The following FYB1 variants were observed in gnomAD, a reference collection of about 807,000 sequenced individuals.
FYB1 encodes FYN binding protein 1.
In FYB1, 41 loss-of-function variants were observed where a neutral mutation model predicts 94.1. The ratio of observed to expected loss-of-function variants is 0.44; its 90% CI spans 0.34 to 0.57. The LOEUF (loss-of-function observed/expected upper bound fraction) is 0.57. FYB1 is among the 20% of genes least tolerant of loss of function. The probability of loss-of-function intolerance (pLI) is 0.02; values close to 1 mark genes in which losing one functional copy is unlikely to be tolerated. For synonymous variants in FYB1, 367 were observed against 353.2 expected (o/e 1.04, Z -0.44); for missense variants, 1,050 against 976.8 (o/e 1.07, Z -1.00).
intron 2 of FYB1, among the ~76,000 whole-genome samples, chr5:39,159,632 A>G (rs1449300559): frequency 6.6e-6 from 1 of 152,164 alleles, no homozygotes; most frequent in African/African-American, 2.4e-5. Context: ...CCATCTGACT[A>G]TCTCCACTTG....
At chr5:39,218,393 A>G (rs1234720479) in intron 1 of FYB1, among the ~76,000 whole-genome samples, 1 of 152,150 alleles carries the variant, frequency 6.6e-6, no homozygotes, top group Non-Finnish European at 1.5e-5. Flanking sequence ...CTCACATTGC[A>G]TGGGGACGTT....
At chr5:39,191,317 A>G (rs752127322) in intron 2 of FYB1, among the ~76,000 whole-genome samples, 8 of 152,250 alleles carry the variant, frequency 5.3e-5, no homozygotes, top group Non-Finnish European at 1.2e-4. Flanking sequence ...CCACCCCTGG[A>G]AACACACAGG....
intron 1 of FYB1, among the ~76,000 whole-genome samples, chr5:39,248,637 G>A (rs2150604889): frequency 6.6e-6 from 1 of 152,310 alleles, no homozygotes; most frequent in Admixed American, 6.5e-5. Flanking sequence ...AGGAGTTCGA[G>A]ACCAGCCTGG....
At chr5:39,215,641 A>G (rs1749801470) in intron 1 of FYB1, among the ~76,000 whole-genome samples, 1 of 152,200 alleles carries the variant, frequency 6.6e-6, no homozygotes, top group African/African-American at 2.4e-5. Context: ...GATCTGTCTT[A>G]TCCTCACATT....
chr5:39,215,343 T>C (rs1428959709), intron 1 of FYB1, among the ~76,000 whole-genome samples: 2 of 152,212 alleles, frequency 1.3e-5, no homozygotes, highest in African/African-American at 4.8e-5. Flanking sequence ...AACACAACTC[T>C]CACTGACTAC....
chr5:39,162,342 G>A (rs764367599), intron 2 of FYB1, among the ~76,000 whole-genome samples: 5 of 152,144 alleles, frequency 3.3e-5, no homozygotes, highest in Non-Finnish European at 5.9e-5. Context: ...TGTACCTGTA[G>A]GATAAATTCC....
intron 1 of FYB1, among the ~76,000 whole-genome samples, chr5:39,258,843 G>T (rs373637699): frequency 1.3e-3 from 201 of 152,286 alleles, no homozygotes; most frequent in Middle Eastern, 3.4e-3. Flanking sequence ...AGAGAACAGA[G>T]GCACAAGGCA....
chr5:39,108,423 C>A (rs990183155), intron 17 of FYB1, among the ~76,000 whole-genome samples, 161 bp from the exon 18 acceptor site: 1 of 152,052 alleles, frequency 6.6e-6, no homozygotes, highest in Non-Finnish European at 1.5e-5. Context: ...TATTCATTAT[C>A]TCTTCTTTCA....
chr5:39,193,722 C>T (rs950151551), intron 2 of FYB1, among the ~76,000 whole-genome samples: 10 of 152,196 alleles, frequency 6.6e-5, no homozygotes, highest in African/African-American at 1.9e-4. Flanking sequence ...CAGGATCACA[C>T]GAGAGGCAGA....
In FYB1 at chr5:39,105,589, C is replaced by G. The variant is rs906298806; in HGVS notation, c.*1854G>C. The G allele has an allele frequency of 1.3e-5, 2 of 152,132 alleles. No individual in the cohort carries two copies. Among genetic ancestry groups the G allele is most frequent in the African/African-American group, 4.8e-5 (2 of 41,428 alleles). The allele number at this position is 152,132 out of a possible 1,614,324, so 9.4% of individuals were successfully genotyped here. A position where few individuals can be genotyped will look rare whatever the true frequency, so the allele number is the denominator to read the frequency against. On this transcript the variant is annotated 3_prime_UTR_variant, in exon 19 of 19. Transcript: ENST00000512982. Reference sequence around the variant, plus strand: ...CAGGAGGAGGGATGGCTGGAAGTGTCTCAGGGCACTCTGAAAGTTTAGCAA... The same window carrying G: ...CAGGAGGAGGGATGGCTGGAAGTGTGTCAGGGCACTCTGAAAGTTTAGCAA...
intron 15 of FYB1, 47 bp from the exon 16 acceptor site, chr5:39,119,083 T>A (rs1052018540): frequency 1.2e-6 from 1 of 866,082 alleles, no homozygotes; most frequent in African/African-American, 1.7e-5. Flanking sequence ...ATGTGCATTA[T>A]TGAAACAACT....
At chr5:39,266,540 A>G (rs914542711) in intron 1 of FYB1, among the ~76,000 whole-genome samples, 29 of 152,216 alleles carry the variant, frequency 1.9e-4, no homozygotes, top group African/African-American at 6.0e-4. Context: ...GGGAAAGGGC[A>G]ATAAAACGTG....
intron 1 of FYB1, among the ~76,000 whole-genome samples, chr5:39,250,336 T>C (rs1751662507): frequency 6.6e-6 from 1 of 152,128 alleles, no homozygotes; most frequent in Non-Finnish European, 1.5e-5. Flanking sequence ...CAAAGGATAC[T>C]GAAAAGGACT....
intron 1 of FYB1, among the ~76,000 whole-genome samples, chr5:39,242,974 TTTTGATGGGGTTG>T (rs1432610338): frequency 1.3e-5 from 2 of 152,212 alleles, no homozygotes; most frequent in Non-Finnish European, 2.9e-5. Context: ...TTTGCCCACT[TTTTGATGGGGTTG>T]TTTGTTTATT....
chr5:39,198,494 G>A (rs1227292848), intron 2 of FYB1, among the ~76,000 whole-genome samples: 1 of 152,094 alleles, frequency 6.6e-6, no homozygotes, highest in South Asian at 2.1e-4. Flanking sequence ...GTACATATTA[G>A]TAATAATATG....
At chr5:39,109,360 C>A (rs934399979) in intron 17 of FYB1, among the ~76,000 whole-genome samples, 1 of 152,040 alleles carries the variant, frequency 6.6e-6, no homozygotes, top group Admixed American at 6.6e-5. Context: ...CCAACAATTA[C>A]TTACAGAGTA....
Position 39,201,936 on chromosome 5 carries a change from G to T in FYB1, c.1025C>A (p.Pro342Gln). The T allele has an allele frequency of 6.2e-7, 1 of 1,613,974 alleles. No homozygotes were observed. Residue 342 changes from proline (P) to glutamine (Q), a missense_variant, in exon 2 of 19, where the codon CCG becomes CAG. Physicochemically the swap from Pro to Gln is moderately conservative, Grantham distance 76. Transcript: ENST00000512982. ...KEKGDKNSAT[P>Q]KQKPLPPLFT... ...CAAGGGAGGCAATGGCTTCTGTTTC[G>T]GGGTGGCTGAATTCTTGTCTCCCTT... is the stretch of plus-strand genomic sequence containing the variant.
chr5:39,210,856 C>A (rs368912887), intron 1 of FYB1, among the ~76,000 whole-genome samples: 1 of 152,136 alleles, frequency 6.6e-6, no homozygotes, highest in Non-Finnish European at 1.5e-5. Context: ...AGTATAAATA[C>A]ATACATATAA....
At chr5:39,199,590 T>TA (rs1418543993) in intron 2 of FYB1, among the ~76,000 whole-genome samples, 5 of 151,996 alleles carry the variant, frequency 3.3e-5, no homozygotes, top group Non-Finnish European at 7.4e-5. Context: ...TTATTTATTT[T>TA]AAAAATACAA....
Sources: allele counts gnomAD v4.1 joint callset (sites outside exome capture counted in the v4.1 genomes callset), GRCh38; gene constraint gnomAD v4.1.1; transcripts MANE v1.5; gene names NCBI Gene and HGNC (gene_info 2026-07-23, HGNC 2026-07-21).